The following SATB1 variants were observed in gnomAD, a reference collection of about 807,000 sequenced individuals.
SATB1 encodes the protein SATB homeobox 1.
In SATB1, 11 loss-of-function variants were observed where a neutral mutation model predicts 86.9. The observed-to-expected ratio is 0.13, with a 90% CI of 0.08 to 0.21. The LOEUF (loss-of-function observed/expected upper bound fraction) is 0.21. Ranked by LOEUF, SATB1 falls within the 10% of genes least tolerant of loss-of-function variation. The probability of loss-of-function intolerance (pLI) is 1.00; values close to 1 mark genes in which losing one functional copy is unlikely to be tolerated. For missense variants in SATB1, 551 were observed against 937.6 expected, an observed-to-expected ratio of 0.59 and a Z score of 5.39; for synonymous variants, 357 against 357.2, an observed-to-expected ratio of 1.00 and a Z score of 0.01.
chr3:18,413,084 G>A (rs2125153385), intron 5 of SATB1, among the ~76,000 whole-genome samples: 1 of 152,070 alleles, frequency 6.6e-6, no homozygotes, highest in East Asian at 1.9e-4. Context: ...TGATTACAGT[G>A]AGGTATCCAG....
At chr3:18,361,430 G>T (rs943337633) in intron 9 of SATB1, among the ~76,000 whole-genome samples, 6 of 152,058 alleles carry the variant, frequency 3.9e-5, no homozygotes, top group Non-Finnish European at 8.8e-5. Context: ...TCACACAAGG[G>T]ATTTGAATAT....
intron 9 of SATB1, among the ~76,000 whole-genome samples, chr3:18,370,965 A>G (rs1284598022): frequency 2.0e-5 from 3 of 152,206 alleles, no homozygotes; most frequent in African/African-American, 7.2e-5. Flanking sequence ...AGGGGAAACC[A>G]TGTGTTGCAA....
intron 5 of SATB1, among the ~76,000 whole-genome samples, chr3:18,411,690 T>C (rs185044559): frequency 6.6e-6 from 1 of 151,734 alleles, no homozygotes; most frequent in East Asian, 1.9e-4. Context: ...TCTAACCACA[T>C]CCACCGAAAA....
chr3:18,398,663 A>T (rs1259131410), intron 5 of SATB1, among the ~76,000 whole-genome samples: 2 of 152,192 alleles, frequency 1.3e-5, no homozygotes, highest in African/African-American at 4.8e-5. Flanking sequence ...CCAGTGAAGG[A>T]TAAGCTGGAG....
At chr3:18,351,694 T>C (rs1050833800) in intron 10 of SATB1, 6 of 501,602 alleles carry the variant, frequency 1.2e-5, no homozygotes, top group Non-Finnish European at 2.1e-5. Flanking sequence ...CACACAAAAA[T>C]TTTAAGCTCT....
Position 18,444,722 on chromosome 3 carries a change from C to T in SATB1, c.-25+796G>A, listed in dbSNP as rs1298833169. On this transcript the variant is annotated intron_variant, in intron 1 of 3. Coordinates refer to the SATB1 transcript ENST00000415069. This position sits in a 1 kb window ranked among gnomAD's most constrained non-coding sequence, Gnocchi z 5.1. ...TCCGAGGCGGCGGCTTCTGCCTCTC[C>T]TGCCGCCGCCGCCGCCGCCGGAGCT... The T allele has an allele frequency of 2.2e-6, 2 of 898,144 alleles. No individual in the cohort carries two copies. Among genetic ancestry groups the T allele is most frequent in the Admixed American group, 6.2e-5 (1 of 16,106 alleles). The allele number at this position is 898,144 out of a possible 1,614,324, so 55.6% of individuals were successfully genotyped here. A position where few individuals can be genotyped will look rare whatever the true frequency, so the allele number is the denominator to read the frequency against.
chr3:18,380,497 A>G (rs1481904188), intron 8 of SATB1, among the ~76,000 whole-genome samples: 1 of 152,096 alleles, frequency 6.6e-6, no homozygotes, highest in East Asian at 1.9e-4. Context: ...ATTTTAAAAA[A>G]TCATTTCCTA....
At position 18,348,964 on chromosome 3, in the gene SATB1, T is replaced by A. The variant is rs552117708; in HGVS notation, c.*206A>T. Reference sequence around the variant, plus strand: ...ACCAAACAATCCTTGATGCTTCACCTGGGGCTGCCAAGCAGTTTGTAAAAC... The same window carrying A: ...ACCAAACAATCCTTGATGCTTCACCAGGGGCTGCCAAGCAGTTTGTAAAAC... On this transcript the variant is annotated 3_prime_UTR_variant, in exon 11 of 11. Transcript: ENST00000338745. 6.7e-5 allele frequency: 52 copies of A among 779,772 alleles called. No individual in the cohort carries two copies. In the East Asian group the frequency reaches 1.5e-3, roughly 22 times the overall value. The allele number at this position is 779,772 out of a possible 1,614,324, so 48.3% of individuals were successfully genotyped here.
In SATB1 at chr3:18,349,422, G is replaced by A. The variant is rs1303775090; in HGVS notation, c.2040C>T (p.Ala680=). Residue 680 remains alanine, a synonymous_variant, in exon 11 of 11, where the codon GCC becomes GCT. Transcript: ENST00000338745. This position sits in a 1 kb window ranked among gnomAD's most constrained non-coding sequence, Gnocchi z 5.5. Reference sequence around the variant, plus strand: ...TGGTGTACTTGGGAAGGTCGAGCTGGGCAGACAGAGTCTGGATGGCCTCTT... The same window carrying A: ...TGGTGTACTTGGGAAGGTCGAGCTGAGCAGACAGAGTCTGGATGGCCTCTT... ...PDEEAIQTLS[A]QLDLPKYTII... is the part of the protein sequence containing the mutation. 6.2e-7 allele frequency: 1 copy of A among 1,614,144 alleles called. No individual in the cohort carries two copies. Among genetic ancestry groups the A allele is most frequent in the Admixed American group, 1.7e-5 (1 of 60,008 alleles).
chr3:18,364,673 CGT>C (rs200519440), intron 9 of SATB1, among the ~76,000 whole-genome samples: 43 of 151,674 alleles, frequency 2.8e-4, no homozygotes, highest in African/African-American at 9.7e-4. Flanking sequence ...CCCACATAAA[CGT>C]GTGTGTGTAT....
intron 7 of SATB1, among the ~76,000 whole-genome samples, chr3:18,390,787 C>T (rs1477221874): frequency 1.3e-5 from 2 of 152,008 alleles, no homozygotes; most frequent in African/African-American, 4.8e-5. Context: ...AAAAAAGCCA[C>T]AGAGTGGGAT....
chr3:18,367,631 C>A (rs141341666), intron 9 of SATB1, among the ~76,000 whole-genome samples: 1 of 152,206 alleles, frequency 6.6e-6, no homozygotes, highest in East Asian at 1.9e-4. Context: ...TGTAGTCTAA[C>A]GATTAATTTA....
chr3:18,403,769 C>T (rs943928518), intron 5 of SATB1, among the ~76,000 whole-genome samples: 5 of 152,016 alleles, frequency 3.3e-5, no homozygotes, highest in Non-Finnish European at 5.9e-5. Flanking sequence ...GTATTAATGG[C>T]GCAAAGGCAT....
rs1238435896 is a variant in SATB1 at position 18,384,456 on chromosome 3, ATG to A, written c.1419+1941_1419+1942del. ...ACCACAAAGTCAAATATCTGGCTAGATGTTTTTTTTTTTTTTTAAAGCAGTTC... is the reference window on the plus strand; with the variant it reads ...ACCACAAAGTCAAATATCTGGCTAGATTTTTTTTTTTTTTTAAAGCAGTTC... On this transcript the variant is annotated intron_variant, in intron 8 of 10. Transcript: ENST00000338745. Among the ~76,000 whole-genome samples the A allele has an allele frequency of 5.8e-4, 8 of 13,794 alleles. No homozygotes were observed. The South Asian group carries it at 0.013, about 23-fold the overall frequency. The allele number at this position is 13,794 out of a possible 152,430, so 9.0% of individuals were successfully genotyped here. A position where few individuals can be genotyped will look rare whatever the true frequency, so the allele number is the denominator to read the frequency against.
At chr3:18,442,611 GTTAA>G (rs1466558987), upstream of SATB1, among the ~76,000 whole-genome samples, 13 of 152,146 alleles carry the variant, frequency 8.5e-5, no homozygotes, top group Admixed American at 7.9e-4. Flanking sequence ...GCTTAACCAA[GTTAA>G]TTAAAGTATT....
chr3:18,421,126 T>A (rs1332787986), intron 1 of SATB1, 135 bp from the exon 2 acceptor site: 4 of 612,160 alleles, frequency 6.5e-6, no homozygotes, highest in Non-Finnish European at 1.1e-5. Flanking sequence ...TATCTAGATA[T>A]GATACAGATG....
At chr3:18,362,874 A>AAAAC (rs1405564732) in intron 9 of SATB1, among the ~76,000 whole-genome samples, 2 of 147,246 alleles carry the variant, frequency 1.4e-5, no homozygotes, top group African/African-American at 5.0e-5. Flanking sequence ...AAAAAAAAAA[A>AAAAC]AAAAAAACCA....
chr3:18,365,562 T>A (rs1176594408), intron 9 of SATB1, among the ~76,000 whole-genome samples: 1 of 152,114 alleles, frequency 6.6e-6, no homozygotes, highest in Admixed American at 6.5e-5. Flanking sequence ...GGCTATACAG[T>A]CTTTGTCTAA....
At chr3:18,372,419 T>A (rs973981422) in intron 9 of SATB1, among the ~76,000 whole-genome samples, 3 of 152,192 alleles carry the variant, frequency 2.0e-5, no homozygotes, top group Non-Finnish European at 4.4e-5. Context: ...GGGGAAAAGG[T>A]GAAAATTTTA....
Sources: allele counts gnomAD v4.1 joint callset (sites outside exome capture counted in the v4.1 genomes callset), GRCh38; gene constraint gnomAD v4.1.1; non-coding constraint Gnocchi (gnomAD v3.1); transcripts MANE v1.5; gene names NCBI Gene and HGNC (gene_info 2026-07-23, HGNC 2026-07-21).